ACACA: variants seen among roughly 807,000 people sequenced by gnomAD.
The protein encoded by ACACA is acetyl-CoA carboxylase 1.
A neutral mutation model predicts 296.1 loss-of-function variants in ACACA; 103 were observed. That is an observed-to-expected ratio of 0.35 (90% CI 0.30 to 0.41). The LOEUF is 0.41. ACACA is among the 10% of genes least tolerant of loss of function. ACACA has a pLI of 1.00. For missense variants in ACACA, 1,554 were observed against 2,989.7 expected (o/e 0.52, Z 11.20); for synonymous variants, 953 against 1,038.6 (o/e 0.92, Z 1.58).
At position 37,246,893 on chromosome 17, in the gene ACACA, T is replaced by C. The variant is rs1489899701; in HGVS notation, c.2393A>G (p.Lys798Arg). ...ATCTTCTACAATGTACTGGATTAACTTCCCAGCAGAAGGTGAGCGCATCAC... is the reference window on the plus strand; with the variant it reads ...ATCTTCTACAATGTACTGGATTAACCTCCCAGCAGAAGGTGAGCGCATCAC... ...PSVMRSPSAGKLIQYIVEDGG... is the reference protein window; with the variant it reads ...PSVMRSPSAGRLIQYIVEDGG... Residue 798 changes from lysine (K) to arginine (R), a missense_variant, in exon 19 of 56, where the codon AAG becomes AGG. Lys to Arg is a conservative substitution (Grantham distance 26). Around this residue, in one of 16 missense-constraint regions of ACACA, gnomAD observed 316 missense variants for 540.9 expected, o/e 0.58. Transcript: ENST00000616317. 6.2e-7 allele frequency: 1 copy of C among 1,614,028 alleles called. No individual in the cohort carries two copies. Among genetic ancestry groups the C allele is most frequent in the Non-Finnish European group, 8.5e-7 (1 of 1,180,028 alleles).
chr17:37,406,480 G>A lies in ACACA; in HGVS notation c.-181C>T. 1.5e-6 allele frequency: 1 copy of A among 688,272 alleles called. No individual in the cohort carries two copies. The highest frequency in any genetic ancestry group is 2.6e-6 in the Non-Finnish European group (1 of 391,176). 42.6% of individuals were successfully genotyped at this position (688,272 alleles called of 1,614,324 possible). On this transcript the variant is annotated 5_prime_UTR_variant, in exon 1 of 56. Coordinates refer to ENST00000616317, the MANE Select transcript of ACACA (RefSeq NM_198834.3). ...GGGCCCGGACTGGAGAGGCGCCACG[G>A]CTCGCCGTCCCTGGGCCCAGTTCCC...
chr17:37,265,827 T>C (rs2146316361), intron 10 of ACACA, among the ~76,000 whole-genome samples: 1 of 152,334 alleles, frequency 6.6e-6, no homozygotes, highest in South Asian at 2.1e-4. Flanking sequence ...CTCCACTCTC[T>C]GAGAAATCCC....
At chr17:37,323,069 C>T (rs1485322728) in intron 3 of ACACA, among the ~76,000 whole-genome samples, 1 of 152,264 alleles carries the variant, frequency 6.6e-6, no homozygotes, top group African/African-American at 2.4e-5. Flanking sequence ...GACAGCAAAG[C>T]TGAAAGAGCA....
At chr17:37,248,514 A>T in intron 17 of ACACA, 79 bp downstream of exon 17, 1 of 1,135,732 alleles carries the variant, frequency 8.8e-7, no homozygotes, top group Non-Finnish European at 1.3e-6. Flanking sequence ...GCATTAAATC[A>T]AACTTTTTCT....
chr17:37,117,815 T>G (rs1208824811), intron 50 of ACACA, among the ~76,000 whole-genome samples: 1 of 151,624 alleles, frequency 6.6e-6, no homozygotes, highest in Admixed American at 6.6e-5. Flanking sequence ...TTCACTAATG[T>G]CAATTTTCAG....
intron 45 of ACACA, among the ~76,000 whole-genome samples, chr17:37,134,810 G>A (rs1358994905): frequency 6.6e-6 from 1 of 152,042 alleles, no homozygotes; most frequent in Non-Finnish European, 1.5e-5. Flanking sequence ...TTTGAGGAGG[G>A]GTTTTGTAAA....
At chr17:37,131,704 G>A (rs1371986564) in intron 45 of ACACA, among the ~76,000 whole-genome samples, 1 of 152,154 alleles carries the variant, frequency 6.6e-6, no homozygotes, top group Non-Finnish European at 1.5e-5. Context: ...GGAGGAAGTT[G>A]GTGACCAAAG....
At chr17:37,353,882 A>G (rs973618456) in intron 1 of ACACA, among the ~76,000 whole-genome samples, 1 of 151,946 alleles carries the variant, frequency 6.6e-6, no homozygotes, top group African/African-American at 2.4e-5. Context: ...CCAAGGCAGG[A>G]GGATTGCTTG....
Position 37,206,886 on chromosome 17 carries a change from A to C in ACACA, c.3852-7T>G. ...CATCACTTCATCAAAGATCCTAAAA[A>C]ATACAAGAGAAACACCCACCATGAA... On this transcript the variant is annotated splice_region_variant and splice_polypyrimidine_tract_variant and intron_variant, in intron 31 of 55. Coordinates refer to ENST00000616317, the MANE Select transcript of ACACA (RefSeq NM_198834.3). The C allele has an allele frequency of 6.2e-7, 1 of 1,606,954 alleles. No homozygotes were observed. The highest frequency in any genetic ancestry group is 8.5e-7 in the Non-Finnish European group (1 of 1,173,524).
intron 3 of ACACA, among the ~76,000 whole-genome samples, chr17:37,326,881 G>A (rs902616263): frequency 1.3e-5 from 2 of 151,930 alleles, no homozygotes; most frequent in African/African-American, 4.8e-5. Flanking sequence ...GTCTTTCATT[G>A]GACTCTAGAA....
intron 45 of ACACA, among the ~76,000 whole-genome samples, chr17:37,147,996 A>G (rs949427585): frequency 2.0e-5 from 3 of 152,134 alleles, no homozygotes; most frequent in Non-Finnish European, 2.9e-5. Flanking sequence ...TATATAATAT[A>G]GTATCGGGGC....
chr17:37,124,565 G>A (rs1179664612), intron 48 of ACACA, among the ~76,000 whole-genome samples: 1 of 152,192 alleles, frequency 6.6e-6, no homozygotes, highest in Non-Finnish European at 1.5e-5. Flanking sequence ...GAGTATCAGG[G>A]TTCTCGCTCC....
chr17:37,242,614 C>T (rs1002616637), intron 22 of ACACA, among the ~76,000 whole-genome samples: 6 of 152,050 alleles, frequency 3.9e-5, no homozygotes, highest in African/African-American at 1.5e-4. Context: ...ATCTGTAGTC[C>T]CAGCTACCTG....
At chr17:37,165,926 C>T (rs552952776) in intron 41 of ACACA, among the ~76,000 whole-genome samples, 6 of 152,132 alleles carry the variant, frequency 3.9e-5, no homozygotes, top group Non-Finnish European at 7.4e-5. Context: ...ATCCTCCTGC[C>T]TAGGCCTCCC....
intron 41 of ACACA, among the ~76,000 whole-genome samples, chr17:37,174,016 A>ATTT (rs1336673580): frequency 1.1e-3 from 17 of 15,032 alleles, no homozygotes; most frequent in South Asian, 5.4e-3. Flanking sequence ...ATATATATAT[A>ATTT]TATATTTTTT....
Position 37,113,710 on chromosome 17 carries a change from T to TA in ACACA, c.6275-446_6275-445insT, listed in dbSNP as rs2074097175. ...CTTAGCATAGGATGAGCTCTTCAAATGTGCACCTAATGGAAATTGATCCTT... is the reference window on the plus strand; with the variant it reads ...CTTAGCATAGGATGAGCTCTTCAAATAGTGCACCTAATGGAAATTGATCCTT... On this transcript the variant is annotated intron_variant, in intron 50 of 55. Coordinates refer to ENST00000616317, the MANE Select transcript of ACACA (RefSeq NM_198834.3). The surrounding 1 kb of genome is among the most constrained non-coding windows in gnomAD (Gnocchi z 4.0). 6.6e-6 allele frequency among the ~76,000 whole-genome samples: 1 copy of TA among 152,222 alleles called. No individual in the cohort carries two copies. The highest frequency in any genetic ancestry group is 1.5e-5 in the Non-Finnish European group (1 of 68,042).
intron 1 of ACACA, among the ~76,000 whole-genome samples, chr17:37,353,697 T>A (rs1159927402): frequency 6.7e-6 from 1 of 150,096 alleles, no homozygotes; most frequent in Non-Finnish European, 1.5e-5. Flanking sequence ...TTAAGAGTAT[T>A]ATACTCTATT....
intron 41 of ACACA, among the ~76,000 whole-genome samples, chr17:37,173,982 TTATATATATATATATATATATATA>T (rs1173883631): frequency 1.5e-4 from 3 of 19,440 alleles, no homozygotes; most frequent in African/African-American, 5.0e-4. Flanking sequence ...CCTGGCTAAT[TTATATATATATATATATATATATA>T]TATATATATA....
At chr17:37,096,846 A>G in intron 54 of ACACA, 150 bp downstream of exon 54, 1 of 905,876 alleles carries the variant, frequency 1.1e-6, no homozygotes, top group Non-Finnish European at 1.8e-6. Context: ...TGTTAGGGGG[A>G]GTAGCTGGGG....
Sources: allele counts gnomAD v4.1 joint callset (sites outside exome capture counted in the v4.1 genomes callset), GRCh38; gene constraint gnomAD v4.1.1; regional missense constraint gnomAD v4.1.1; non-coding constraint Gnocchi (gnomAD v3.1); transcripts MANE v1.5; gene names NCBI Gene and HGNC (gene_info 2026-07-23, HGNC 2026-07-21).